Variants in PCGF2 observed in about 807,000 individuals in gnomAD.
PCGF2 encodes polycomb group RING finger protein 2.
Under a neutral mutation model 36.1 loss-of-function variants are expected in PCGF2, and 8 were observed. The observed-to-expected ratio is 0.22, with a 90% CI of 0.13 to 0.40. PCGF2 has a LOEUF of 0.40. Ranked by LOEUF, PCGF2 falls within the 10% of genes least tolerant of loss-of-function variation. The pLI is 1.00. For synonymous variants in PCGF2, 198 were observed against 191.2 expected (o/e 1.04, Z -0.29); for missense variants, 436 against 475.9 (o/e 0.92, Z 0.78).
chr17:38,740,117 C>T (rs552293826), intron 3 of PCGF2, among the ~76,000 whole-genome samples, 174 bp downstream of exon 3: 6 of 152,386 alleles, frequency 3.9e-5, no homozygotes, highest in Non-Finnish European at 7.3e-5. Flanking sequence ...TGATGCCCCG[C>T]GCCCAGTCGC....
upstream of PCGF2, among the ~76,000 whole-genome samples, chr17:38,748,962 T>C (rs1488744509): frequency 1.3e-5 from 2 of 151,730 alleles, no homozygotes; most frequent in Non-Finnish European, 2.9e-5. Context: ...GGATCCAGCC[T>C]GGGCGCCTGG....
chr17:38,735,143 A>C lies in PCGF2; in HGVS notation c.*80T>G. Reference sequence around the variant, plus strand: ...CAAGGTGGGAAGAGCTGGGGAAAGTAGAAGAGGTGGAAAAAAGGGCCCAGA... The same window carrying C: ...CAAGGTGGGAAGAGCTGGGGAAAGTCGAAGAGGTGGAAAAAAGGGCCCAGA... On this transcript the variant is annotated 3_prime_UTR_variant, in exon 11 of 11. Transcript: ENST00000620225. 3 of 1,078,948 alleles carry C rather than the reference A, an allele frequency of 2.8e-6. No individual in the cohort carries two copies. Among genetic ancestry groups the C allele is most frequent in the Non-Finnish European group, 3.7e-6 (3 of 817,106 alleles). 66.8% of individuals were successfully genotyped at this position (1,078,948 alleles called of 1,614,324 possible).
At chr17:38,749,657 T>C (rs1907791763), upstream of PCGF2, 1 of 456,050 alleles carries the variant, frequency 2.2e-6, no homozygotes, top group Non-Finnish European at 4.4e-6. The surrounding 1 kb of genome is among the most constrained non-coding windows in gnomAD (Gnocchi z 6.5). Flanking sequence ...ATAGGAATCT[T>C]CGCCCAGTTT....
intron 2 of PCGF2, among the ~76,000 whole-genome samples, chr17:38,744,765 C>T (rs1598021556): frequency 1.3e-5 from 2 of 152,316 alleles, no homozygotes; most frequent in Non-Finnish European, 2.9e-5. Context: ...GCCCCAAGGC[C>T]CCTGTGCTTC....
intron 2 of PCGF2, chr17:38,746,731 C>T (rs1257389937): frequency 6.6e-6 from 1 of 152,360 alleles, no homozygotes; most frequent in Non-Finnish European, 1.5e-5. Flanking sequence ...CAACTTGAAC[C>T]CTACCTAGCT....
chr17:38,747,339 C>A (rs1907601245), intron 2 of PCGF2, among the ~76,000 whole-genome samples: 1 of 152,118 alleles, frequency 6.6e-6, no homozygotes, highest in Non-Finnish European at 1.5e-5. Context: ...GAAGGGGGGC[C>A]AGTTTAGCAG....
chr17:38,737,490 C>T (rs1218100170), intron 9 of PCGF2, among the ~76,000 whole-genome samples: 1 of 152,192 alleles, frequency 6.6e-6, no homozygotes, highest in Non-Finnish European at 1.5e-5. Context: ...ATGCCTGCAT[C>T]TTACCCCCAG....
chr17:38,743,438 G>A (rs575263468), intron 2 of PCGF2, among the ~76,000 whole-genome samples: 2 of 151,726 alleles, frequency 1.3e-5, no homozygotes, highest in Admixed American at 6.6e-5. Context: ...CCCACACTGC[G>A]AATGGCTGTA....
At chr17:38,742,942 G>A (rs1045503210) in intron 2 of PCGF2, among the ~76,000 whole-genome samples, 28 of 152,138 alleles carry the variant, frequency 1.8e-4, no homozygotes, top group Admixed American at 1.4e-3. Flanking sequence ...TCTGTTGCTG[G>A]GGTAAATCGC....
intron 2 of PCGF2, among the ~76,000 whole-genome samples, chr17:38,742,564 CG>C (rs1410049368): frequency 6.6e-6 from 1 of 152,134 alleles, no homozygotes; most frequent in African/African-American, 2.4e-5. Context: ...GTGGCGGCCC[CG>C]GGGATCTGAG....
At chr17:38,747,533 G>A (rs1455230591) in intron 2 of PCGF2, among the ~76,000 whole-genome samples, 2 of 152,134 alleles carry the variant, frequency 1.3e-5, no homozygotes, top group Admixed American at 1.3e-4. Flanking sequence ...GGGGTGTTCC[G>A]GAGGGAGGCT....
In PCGF2 at chr17:38,739,049, C is replaced by G. The variant is rs1281797844; in HGVS notation, c.316+19G>C. On this transcript the variant is annotated intron_variant, in intron 6 of 10. Transcript: ENST00000620225. This position sits in a 1 kb window ranked among gnomAD's most constrained non-coding sequence, Gnocchi z 4.0. ...CCAGGCAAGACTGTGCACACACAAACAGACGCGAGCACACTCACCCTCCGT... is the reference window on the plus strand; with the variant it reads ...CCAGGCAAGACTGTGCACACACAAAGAGACGCGAGCACACTCACCCTCCGT... The G allele has an allele frequency of 6.2e-7, 1 of 1,612,156 alleles. No individual in the cohort carries two copies. The highest frequency in any genetic ancestry group is 1.3e-5 in the African/African-American group (1 of 74,968).
At chr17:38,749,734 G>C (rs1054427326), upstream of PCGF2, 4 of 455,332 alleles carry the variant, frequency 8.8e-6, no homozygotes, top group African/African-American at 2.0e-5. This position sits in a 1 kb window ranked among gnomAD's most constrained non-coding sequence, Gnocchi z 6.5. Flanking sequence ...GGGGCCTCGG[G>C]TGAATGCTTT....
chr17:38,738,466 C>T lies in PCGF2; in HGVS notation c.481-18G>A, dbSNP rs1906933679. ...ACCCCTGTCTGCTGGGGCACAGGCA[C>T]CCATGGTAGGGGATCCACCCCAGGC... On this transcript the variant is annotated intron_variant, in intron 8 of 10. Transcript: ENST00000620225. The T allele has an allele frequency of 2.5e-6, 4 of 1,613,818 alleles. No individual in the cohort carries two copies. The highest frequency in any genetic ancestry group is 3.4e-6 in the Non-Finnish European group (4 of 1,179,798).
rs71384266 is a variant in PCGF2 at position 38,740,492 on chromosome 17, G to A, written c.-40-50C>T. 7.6e-4 allele frequency: 1,069 copies of A among 1,413,954 alleles called. 11 individuals carry two copies. In the African/African-American group the frequency reaches 0.012, roughly 16 times the overall value. The allele number at this position is 1,413,954 out of a possible 1,614,324, so 87.6% of individuals were successfully genotyped here. The stretch of plus-strand genomic sequence containing the variant: ...AACCCAGAGTTGGCCGGGCGCGGTG[G>A]TTCACGCCTGTAATCCCAGCACTTT... On this transcript the variant is annotated intron_variant, in intron 2 of 10. Transcript: ENST00000620225.
chr17:38,742,487 C>A, intron 2 of PCGF2, among the ~76,000 whole-genome samples: 1 of 152,178 alleles, frequency 6.6e-6, no homozygotes, highest in East Asian at 1.9e-4. Flanking sequence ...GGGAGAGACA[C>A]CAGGTTACAG....
intron 2 of PCGF2, among the ~76,000 whole-genome samples, chr17:38,747,631 G>A (rs1907622911): frequency 6.6e-6 from 1 of 152,056 alleles, no homozygotes; most frequent in Non-Finnish European, 1.5e-5. Context: ...AGAGGACCCG[G>A]ACCCCGGCGG....
At chr17:38,741,734 C>A (rs1907212903) in intron 2 of PCGF2, among the ~76,000 whole-genome samples, 1 of 152,132 alleles carries the variant, frequency 6.6e-6, no homozygotes, top group South Asian at 2.1e-4. Flanking sequence ...CAGAGAGGGT[C>A]CTTACATGCC....
At chr17:38,740,182 G>A (rs909379219) in intron 3 of PCGF2, 109 bp downstream of exon 3, 9 of 960,030 alleles carry the variant, frequency 9.4e-6, no homozygotes, top group South Asian at 1.5e-5. Context: ...ACGTGGGCGC[G>A]TTGGCTCTTT....
Sources: allele counts gnomAD v4.1 joint callset (sites outside exome capture counted in the v4.1 genomes callset), GRCh38; gene constraint gnomAD v4.1.1; non-coding constraint Gnocchi (gnomAD v3.1); transcripts MANE v1.5; gene names NCBI Gene and HGNC (gene_info 2026-07-23, HGNC 2026-07-21).